GANC: variants seen among roughly 807,000 people sequenced by gnomAD.
The protein encoded by GANC is glucosidase alpha, neutral C.
GANC carries 117 observed loss-of-function variants against 124.2 expected under a neutral mutation model. The ratio of observed to expected loss-of-function variants is 0.94; its 90% confidence interval spans 0.81 to 1.10. The LOEUF (loss-of-function observed/expected upper bound fraction) is 1.10, where lower values mean the gene tolerates loss of function less well. GANC is among the 50% of genes least tolerant of loss of function. GANC has a pLI of 0.00. For synonymous variants in GANC, 377 were observed against 376.8 expected, an observed-to-expected ratio of 1.00 and a Z score of -0.01; for missense variants, 1,140 against 1,095.0, an observed-to-expected ratio of 1.04 and a Z score of -0.58.
intron 6 of GANC, among the ~76,000 whole-genome samples, chr15:42,303,149 C>T (rs762211128): frequency 3.3e-5 from 5 of 152,296 alleles, no homozygotes; most frequent in African/African-American, 7.2e-5. Context: ...AGACTAACAC[C>T]GGATCTCTCT....
chr15:42,316,014 A>T (rs938711096), intron 10 of GANC, among the ~76,000 whole-genome samples: 1 of 151,972 alleles, frequency 6.6e-6, no homozygotes, highest in East Asian at 1.9e-4. Flanking sequence ...AAGTATATAA[A>T]TATATTCAAT....
rs146668760 is a variant in GANC, at chr15:42,296,724, T to C, written c.513-887T>C. ...GGGTTTTTAATTGGATTCCCACATATGTATGAATTCCCAAACAACATATTA... is the reference window on the plus strand; with the variant it reads ...GGGTTTTTAATTGGATTCCCACATACGTATGAATTCCCAAACAACATATTA... On this transcript the variant is annotated intron_variant, in intron 5 of 23. Coordinates refer to ENST00000318010, the MANE Select transcript of GANC (RefSeq NM_198141.3). Among the ~76,000 whole-genome samples, 811 of 152,252 alleles carry C rather than the reference T, an allele frequency of 5.3e-3. 4 individuals are homozygous for C. Among genetic ancestry groups the C allele is most frequent in the Admixed American group, 8.3e-3 (127 of 15,292 alleles).
intron 23 of GANC, 151 bp from the exon 24 acceptor site, chr15:42,351,879 T>C (rs2052443502): frequency 2.1e-6 from 2 of 973,674 alleles, no homozygotes; most frequent in African/African-American, 1.6e-5. Context: ...TTTCTAAAAC[T>C]TCATGGAAGT....
chr15:42,340,767 G>GTTTTT lies in GANC; in HGVS notation c.2152+26_2152+30dup. On this transcript the variant is annotated intron_variant, in intron 18 of 23. Transcript: ENST00000318010. ...GAATACATGCTGGGTGAGCATTTCTGTTTTTTTTTTTTTTTTTGAGACGGA... is the reference window on the plus strand; with the variant it reads ...GAATACATGCTGGGTGAGCATTTCTGTTTTTTTTTTTTTTTTTTTTTTGAGACGGA... 105 of 1,374,664 alleles carry GTTTTT rather than the reference G, an allele frequency of 7.6e-5. No individual in the cohort carries two copies. Among genetic ancestry groups the GTTTTT allele is most frequent in the Middle Eastern group, 2.7e-4 (1 of 3,768 alleles). The allele number at this position is 1,374,664 out of a possible 1,614,324, so 85.2% of individuals were successfully genotyped here.
At position 42,326,402 on chromosome 15, in the gene GANC, C is replaced by A; in HGVS notation, c.1398C>A (p.Asp466Glu). ...GFFVKNQEGE[D>E]FEGVCWPGLS... ...TTGTGAAGAATCAGGAAGGGGAAGA[C>A]TTTGAAGGGGTGTGTTGGCCAGGTA... The change falls in exon 12 of 24, where the codon GAC (aspartate) becomes GAA (glutamate). Residue 466 changes from aspartate (D) to glutamate (E), a missense_variant. Transcript: ENST00000318010. 1 of 1,613,986 alleles carries A rather than the reference C, an allele frequency of 6.2e-7. No homozygotes were observed. The highest frequency in any genetic ancestry group is 8.5e-7 in the Non-Finnish European group (1 of 1,179,908).
chr15:42,294,867 T>C (rs1307938987), intron 5 of GANC, among the ~76,000 whole-genome samples: 1 of 151,582 alleles, frequency 6.6e-6, no homozygotes, highest in Non-Finnish European at 1.5e-5. Flanking sequence ...AACTAGTTAG[T>C]TTACTAATAA....
rs1169645991 is a variant in GANC at position 42,326,291 on chromosome 15, C to T, written c.1294-7C>T. 9 of 1,595,434 alleles carry T rather than the reference C, an allele frequency of 5.6e-6. No homozygotes were observed. Among genetic ancestry groups the T allele is most frequent in the South Asian group, 1.1e-5 (1 of 90,432 alleles). On this transcript the variant is annotated splice_polypyrimidine_tract_variant and splice_region_variant and intron_variant, in intron 11 of 23. Transcript: ENST00000318010. ...GATGAGACCTCCAAACCTTCATGTC[C>T]TGACAGCTTGTGGTCATCAGTGATC...
At chr15:42,325,298 A>G (rs140354658) in intron 11 of GANC, among the ~76,000 whole-genome samples, 2,535 of 152,174 alleles carry the variant, frequency 0.017, 74 homozygotes, top group African/African-American at 0.059. Context: ...AAAAAAATTT[A>G]AGAAAATGTT....
chr15:42,295,725 C>T (rs953017114), intron 5 of GANC, among the ~76,000 whole-genome samples: 2 of 151,756 alleles, frequency 1.3e-5, no homozygotes, highest in Admixed American at 1.3e-4. Context: ...CTTCCAGTTT[C>T]CCGTCTGGCA....
intron 15 of GANC, among the ~76,000 whole-genome samples, chr15:42,336,636 A>G (rs1031875276): frequency 3.3e-5 from 5 of 152,252 alleles, no homozygotes; most frequent in African/African-American, 1.2e-4. Flanking sequence ...GACAAATGGG[A>G]TCTAATTAAA....
At chr15:42,339,994 C>A in intron 17 of GANC, 82 bp downstream of exon 17, 1 of 1,473,772 alleles carries the variant, frequency 6.8e-7, no homozygotes, top group Non-Finnish European at 9.2e-7. Context: ...GCAATAATTA[C>A]AGTGATTTCA....
Position 42,274,381 on chromosome 15 carries a change from A to G in GANC, c.-101A>G, listed in dbSNP as rs565742110. On this transcript the variant is annotated 5_prime_UTR_variant, in exon 1 of 24. Coordinates refer to ENST00000318010, the MANE Select transcript of GANC (RefSeq NM_198141.3). ...CTTCCCAGAAACTTGACGATGAAGT[A>G]CTGGTTGTAATTTTAGAAAGACACC... is the stretch of plus-strand genomic sequence containing the variant. 1 of 1,214,606 alleles carries G rather than the reference A, an allele frequency of 8.2e-7. No individual in the cohort carries two copies. The highest frequency in any genetic ancestry group is 2.6e-5 in the East Asian group (1 of 39,096). 75.2% of individuals were successfully genotyped at this position (1,214,606 alleles called of 1,614,324 possible). A position where few individuals can be genotyped will look rare whatever the true frequency, so the allele number is the denominator to read the frequency against.
At chr15:42,295,639 G>GACACACACACACACAC (rs60220273) in intron 5 of GANC, among the ~76,000 whole-genome samples, 4 of 137,642 alleles carry the variant, frequency 2.9e-5, no homozygotes, top group African/African-American at 1.1e-4. Context: ...CTTTATTATA[G>GACACACACACACACAC]ACACACACAC....
At chr15:42,335,142 A>C (rs2052274465) in intron 15 of GANC, among the ~76,000 whole-genome samples, 1 of 152,214 alleles carries the variant, frequency 6.6e-6, no homozygotes, top group Non-Finnish European at 1.5e-5. Flanking sequence ...CCTGATGCCA[A>C]AACCTGGCAG....
At position 42,343,143 on chromosome 15, in the gene GANC, G is replaced by A. The variant is rs1411389665; in HGVS notation, c.2218G>A (p.Gly740Arg). 2 of 1,613,882 alleles carry A rather than the reference G, an allele frequency of 1.2e-6. No homozygotes were observed. Among genetic ancestry groups the A allele is most frequent in the Non-Finnish European group, 1.7e-6 (2 of 1,179,844 alleles). Reference protein sequence around the residue: ...KATTVDVFLPGSNEVWYDYKT... With the variant: ...KATTVDVFLPRSNEVWYDYKT... ...CACCACAGTTGATGTGTTTCTTCCA[G>A]GATCAAATGAGGTAAGAGTAATAAC... The change falls in exon 19 of 24, where the codon GGA (glycine) becomes AGA (arginine). Residue 740 changes from glycine to arginine, a missense_variant. Coordinates refer to ENST00000318010, the MANE Select transcript of GANC (RefSeq NM_198141.3).
chr15:42,349,030 T>A (rs1357626245), intron 21 of GANC, among the ~76,000 whole-genome samples: 1 of 152,242 alleles, frequency 6.6e-6, no homozygotes, highest in East Asian at 1.9e-4. Flanking sequence ...TGTCATCTAT[T>A]ATGTATTAAT....
rs372974307 is a variant in GANC, at chr15:42,340,767, GTT to G, written c.2152+29_2152+30del. 0.082 allele frequency: 110,667 copies of G among 1,351,166 alleles called. 483 individuals are homozygous for G. The highest frequency in any genetic ancestry group is 0.17 in the South Asian group (12,726 of 74,104). 83.7% of individuals were successfully genotyped at this position (1,351,166 alleles called of 1,614,324 possible). A position where few individuals can be genotyped will look rare whatever the true frequency, so the allele number is the denominator to read the frequency against. ...GAATACATGCTGGGTGAGCATTTCT[GTT>G]TTTTTTTTTTTTTTTGAGACGGAGT... On this transcript the variant is annotated intron_variant, in intron 18 of 23. Transcript: ENST00000318010.
At chr15:42,293,737 C>T (rs555331097) in intron 5 of GANC, among the ~76,000 whole-genome samples, 1 of 151,800 alleles carries the variant, frequency 6.6e-6, no homozygotes, top group African/African-American at 2.4e-5. Context: ...TGTGTACCCA[C>T]TACTCATGTT....
At chr15:42,315,353 C>T (rs907320997) in intron 10 of GANC, among the ~76,000 whole-genome samples, 2 of 152,052 alleles carry the variant, frequency 1.3e-5, no homozygotes, top group Admixed American at 1.3e-4. Context: ...GATAGTTCTC[C>T]AAAGAAGATA....
Sources: allele counts gnomAD v4.1 joint callset (sites outside exome capture counted in the v4.1 genomes callset), GRCh38; gene constraint gnomAD v4.1.1; transcripts MANE v1.5; gene names NCBI Gene and HGNC (gene_info 2026-07-23, HGNC 2026-07-21).